KIF6: variants seen among roughly 807,000 people sequenced by gnomAD.
KIF6 encodes the protein kinesin-like protein KIF6.
A neutral mutation model predicts 112.7 loss-of-function variants in KIF6; 106 were observed. That is an observed-to-expected ratio of 0.94 (90% CI 0.80 to 1.11). The LOEUF (loss-of-function observed/expected upper bound fraction) is 1.11. Ranked by LOEUF, KIF6 falls within the 50% of genes least tolerant of loss-of-function variation. KIF6 has a pLI of 0.00. For missense variants in KIF6, 929 were observed against 964.0 expected (o/e 0.96, Z 0.48); for synonymous variants, 339 against 339.9 (o/e 1.00, Z 0.03).
At chr6:39,609,159 C>T (rs995014455) in intron 6 of KIF6, among the ~76,000 whole-genome samples, 7 of 152,190 alleles carry the variant, frequency 4.6e-5, no homozygotes, top group South Asian at 4.2e-4. Flanking sequence ...CACTACTTGG[C>T]GGGGATGGCA....
At position 39,560,308 on chromosome 6, in the gene KIF6, C is replaced by T. The variant is rs571145793; in HGVS notation, c.1182-14620G>A. Among the ~76,000 whole-genome samples the T allele has an allele frequency of 4.6e-5, 7 of 152,324 alleles. No individual in the cohort carries two copies. The East Asian group carries it at 1.3e-3, about 29-fold the overall frequency. On this transcript the variant is annotated intron_variant, in intron 10 of 22. Coordinates refer to ENST00000287152, the MANE Select transcript of KIF6 (RefSeq NM_145027.6). Reference sequence around the variant, plus strand: ...CCCCACTAATAATATACTACATTTTCAATTGATTTTAAAGCTAATAATTCA... The same window carrying T: ...CCCCACTAATAATATACTACATTTTTAATTGATTTTAAAGCTAATAATTCA...
At chr6:39,380,266 C>T (rs1766809995) in intron 16 of KIF6, among the ~76,000 whole-genome samples, 1 of 152,106 alleles carries the variant, frequency 6.6e-6, no homozygotes, top group Admixed American at 6.5e-5. Flanking sequence ...TGATGATGTT[C>T]TTAGAGATGG....
chr6:39,570,331 C>T (rs1427136369), intron 10 of KIF6, among the ~76,000 whole-genome samples: 2 of 152,060 alleles, frequency 1.3e-5, no homozygotes, highest in Non-Finnish European at 2.9e-5. Flanking sequence ...GAGAGGAATT[C>T]AGTTTGGGGC....
chr6:39,530,842 T>A (rs1260798231), intron 13 of KIF6, among the ~76,000 whole-genome samples: 1 of 152,180 alleles, frequency 6.6e-6, no homozygotes, highest in East Asian at 1.9e-4. Flanking sequence ...CAAAACAACA[T>A]ACTTATTAAT....
chr6:39,585,061 T>G, intron 8 of KIF6, 77 bp from the exon 9 acceptor site: 1 of 864,706 alleles, frequency 1.2e-6, no homozygotes, highest in Non-Finnish European at 1.9e-6. Flanking sequence ...TATCTTTTAT[T>G]CACAGAAAAA....
intron 13 of KIF6, among the ~76,000 whole-genome samples, chr6:39,454,999 G>A (rs1476265138): frequency 4.0e-5 from 6 of 149,078 alleles, no homozygotes; most frequent in East Asian, 2.0e-4. Flanking sequence ...CGGGAAGCTC[G>A]AACTGGGTGG....
chr6:39,455,192 C>T (rs1772984082), intron 13 of KIF6, among the ~76,000 whole-genome samples: 1 of 152,090 alleles, frequency 6.6e-6, no homozygotes, highest in African/African-American at 2.4e-5. Flanking sequence ...CAGACTGCCT[C>T]CTCAAGTGGG....
At chr6:39,359,234 G>T (rs1424930709) in intron 18 of KIF6, among the ~76,000 whole-genome samples, 8 of 152,176 alleles carry the variant, frequency 5.3e-5, no homozygotes, top group Non-Finnish European at 8.8e-5. Context: ...GGATCTGATT[G>T]TGCGTATTTT....
At chr6:39,414,133 TA>T (rs760107707) in intron 15 of KIF6, among the ~76,000 whole-genome samples, 21 of 152,296 alleles carry the variant, frequency 1.4e-4, no homozygotes, top group African/African-American at 3.6e-4. Flanking sequence ...GAGAATATAA[TA>T]TTTTTTTTTA....
chr6:39,673,476 C>T (rs930084311), intron 3 of KIF6, among the ~76,000 whole-genome samples: 1 of 152,120 alleles, frequency 6.6e-6, no homozygotes, highest in Non-Finnish European at 1.5e-5. Flanking sequence ...TTATTATGTG[C>T]CATGTACTCC....
intron 5 of KIF6, among the ~76,000 whole-genome samples, chr6:39,620,040 C>T (rs1031506257): frequency 2.0e-5 from 3 of 152,254 alleles, no homozygotes; most frequent in African/African-American, 7.2e-5. Context: ...TATTGCCCGC[C>T]AGACATCATC....
chr6:39,365,083 G>A (rs1765455556), intron 16 of KIF6, among the ~76,000 whole-genome samples: 1 of 152,134 alleles, frequency 6.6e-6, no homozygotes, highest in African/African-American at 2.4e-5. Context: ...TCCTTATTCT[G>A]TCACGCCATT....
chr6:39,712,412 A>G (rs1789608277), intron 3 of KIF6, among the ~76,000 whole-genome samples: 4 of 152,172 alleles, frequency 2.6e-5, no homozygotes, highest in Admixed American at 2.6e-4. Flanking sequence ...ACCGGGACCA[A>G]CTTGAGCTGC....
chr6:39,682,430 C>T (rs302565), intron 3 of KIF6, among the ~76,000 whole-genome samples: 1 of 152,156 alleles, frequency 6.6e-6, no homozygotes, highest in Non-Finnish European at 1.5e-5. Context: ...TGTAAATATA[C>T]AAAAGGTACA....
chr6:39,502,669 A>G (rs1439398861), intron 13 of KIF6, among the ~76,000 whole-genome samples: 3 of 152,232 alleles, frequency 2.0e-5, no homozygotes, highest in Non-Finnish European at 4.4e-5. Context: ...GCAAATGGAA[A>G]ACAGAAAAAA....
intron 6 of KIF6, among the ~76,000 whole-genome samples, chr6:39,609,267 G>T (rs1231154794): frequency 6.6e-6 from 1 of 152,160 alleles, no homozygotes; most frequent in Non-Finnish European, 1.5e-5. Flanking sequence ...AAGAAAGCAA[G>T]CTGCCCACCC....
At position 39,342,618 on chromosome 6, in the gene KIF6, TTTATTTTTTTTTA is replaced by T. The variant is rs1562107971; in HGVS notation, c.2428+1078_2428+1090del. 4.1e-4 allele frequency among the ~76,000 whole-genome samples: 50 copies of T among 120,938 alleles called. 4 individuals carry two copies. Among genetic ancestry groups the T allele is most frequent in the Admixed American group, 3.7e-4 (5 of 13,538 alleles). The allele number at this position is 120,938 out of a possible 152,430, so 79.3% of individuals were successfully genotyped here. ...AGTTTTTTATTTTTTTTTATTTTTT[TTTATTTTTTTTTA>T]TTTTTAGACAAGGAAACTGAGAATG... On this transcript the variant is annotated intron_variant, in intron 22 of 22. Transcript: ENST00000287152. The surrounding 1 kb of genome is among the most constrained non-coding windows in gnomAD (Gnocchi z 4.7).
chr6:39,477,764 G>A (rs956545324), intron 13 of KIF6, among the ~76,000 whole-genome samples: 1 of 152,138 alleles, frequency 6.6e-6, no homozygotes, highest in African/African-American at 2.4e-5. Flanking sequence ...GGGAGGCTGA[G>A]GCAGGAGAAT....
At chr6:39,580,744 T>C (rs1781241439) in intron 9 of KIF6, among the ~76,000 whole-genome samples, 1 of 152,174 alleles carries the variant, frequency 6.6e-6, no homozygotes, top group Non-Finnish European at 1.5e-5. Context: ...AAGAATACCT[T>C]GTACCCACTA....
Sources: gnomAD v4.1 joint callset for allele counts (sites outside exome capture counted in the v4.1 genomes callset) on GRCh38, gnomAD v4.1.1 for gene constraint, Gnocchi (gnomAD v3.1) non-coding constraint, MANE v1.5 for transcripts, NCBI Gene and HGNC (gene_info 2026-07-23, HGNC 2026-07-21) for gene names.